Variants in BBS9 observed in about 807,000 individuals in gnomAD.
BBS9 encodes the protein Bardet-Biedl syndrome 9.
In BBS9, 89 loss-of-function variants were observed where a neutral mutation model predicts 117.7. The ratio of observed to expected loss-of-function variants is 0.76; its 90% CI spans 0.64 to 0.90. The LOEUF is 0.90. Among genes scored for constraint, BBS9 ranks in the 40% least tolerant of loss-of-function variants. The pLI, the probability that BBS9 is intolerant of heterozygous loss-of-function variation, is 0.00. For synonymous variants in BBS9, 379 were observed against 370.9 expected, an observed-to-expected ratio of 1.02 and a Z score of -0.25; for missense variants, 982 against 1,042.2, an observed-to-expected ratio of 0.94 and a Z score of 0.80.
intron 20 of BBS9, among the ~76,000 whole-genome samples, chr7:33,514,764 G>C (rs1256134787): frequency 1.3e-5 from 2 of 152,066 alleles, no homozygotes; most frequent in African/African-American, 4.8e-5. Context: ...GAGTTTCCCT[G>C]GGTTATCTTC....
At position 33,152,276 on chromosome 7, in the gene BBS9, C is replaced by T. The variant is rs551836967; in HGVS notation, c.113-425C>T. Among the ~76,000 whole-genome samples, 3 of 152,208 alleles carry T rather than the reference C, an allele frequency of 2.0e-5. No homozygotes were observed. In the East Asian group the frequency reaches 5.8e-4, roughly 29 times the overall value. On this transcript the variant is annotated intron_variant, in intron 2 of 22. Coordinates refer to ENST00000242067, the MANE Select transcript of BBS9 (RefSeq NM_198428.3). ...GTACTTAAGATGAAACATTGCTTATCAAGGCACTCTATCTAGTGACGACTC... is the reference window on the plus strand; with the variant it reads ...GTACTTAAGATGAAACATTGCTTATTAAGGCACTCTATCTAGTGACGACTC...
At chr7:33,248,513 A>C (rs1795723060) in intron 5 of BBS9, among the ~76,000 whole-genome samples, 3 of 152,144 alleles carry the variant, frequency 2.0e-5, no homozygotes, top group South Asian at 4.1e-4. Context: ...TATTTGCATG[A>C]TGATATGAGT....
chr7:33,612,860 C>T (rs1864947307), intron 21 of BBS9, among the ~76,000 whole-genome samples: 1 of 152,082 alleles, frequency 6.6e-6, no homozygotes, highest in Non-Finnish European at 1.5e-5. Context: ...GACTAGGAAT[C>T]AGATGGCCTC....
At chr7:33,498,614 G>T (rs763256390) in intron 19 of BBS9, among the ~76,000 whole-genome samples, 1 of 151,990 alleles carries the variant, frequency 6.6e-6, no homozygotes, top group Non-Finnish European at 1.5e-5. Flanking sequence ...CATACAATAT[G>T]TTTTCCTTTG....
chr7:33,171,408 A>C (rs1167227090), intron 4 of BBS9, among the ~76,000 whole-genome samples: 1 of 152,230 alleles, frequency 6.6e-6, no homozygotes, highest in African/African-American at 2.4e-5. Flanking sequence ...CATATGTAGA[A>C]AGCTGAAACA....
At chr7:33,360,524 C>CTTAAATACCT (rs1820424855) in intron 16 of BBS9, among the ~76,000 whole-genome samples, 1 of 142,006 alleles carries the variant, frequency 7.0e-6, no homozygotes, top group Non-Finnish European at 1.5e-5. Flanking sequence ...CAATAAATAC[C>CTTAAATACCT]TTTTTTTTTT....
intron 21 of BBS9, among the ~76,000 whole-genome samples, chr7:33,598,256 A>T (rs1206324453): frequency 6.6e-6 from 1 of 152,134 alleles, no homozygotes; most frequent in African/African-American, 2.4e-5. Flanking sequence ...CTTCTTTAAA[A>T]AAATTTCCCC....
intron 19 of BBS9, among the ~76,000 whole-genome samples, chr7:33,429,938 A>G (rs975307214): frequency 6.6e-6 from 1 of 152,126 alleles, no homozygotes; most frequent in Non-Finnish European, 1.5e-5. Flanking sequence ...AGTTGCCTTT[A>G]GGAAGTTCTA....
chr7:33,463,589 G>T (rs1263441596), intron 19 of BBS9, among the ~76,000 whole-genome samples: 2 of 151,882 alleles, frequency 1.3e-5, no homozygotes, highest in African/African-American at 4.8e-5. Context: ...TCTTATTTTT[G>T]TCTGAAATAA....
intron 19 of BBS9, among the ~76,000 whole-genome samples, chr7:33,466,916 C>G (rs1840248355): frequency 6.6e-6 from 1 of 152,012 alleles, no homozygotes; most frequent in Admixed American, 6.6e-5. Flanking sequence ...ACACAGAGGT[C>G]AAGGGTGAGC....
chr7:33,528,554 T>TA (rs757366409), intron 20 of BBS9, among the ~76,000 whole-genome samples: 22 of 152,248 alleles, frequency 1.4e-4, no homozygotes, highest in Non-Finnish European at 2.4e-4. Context: ...TTCAATTACA[T>TA]ACTTCTATTT....
chr7:33,371,681 T>A (rs774356146), intron 17 of BBS9, among the ~76,000 whole-genome samples: 10 of 152,056 alleles, frequency 6.6e-5, no homozygotes, highest in Non-Finnish European at 1.2e-4. Context: ...GGAGACTTTG[T>A]AGATTTGTTA....
chr7:33,524,327 C>A (rs1849126969), intron 20 of BBS9, among the ~76,000 whole-genome samples: 1 of 152,108 alleles, frequency 6.6e-6, no homozygotes, highest in African/African-American at 2.4e-5. Context: ...AGGAATGGTA[C>A]CAGTTCCTCC....
chr7:33,287,841 G>A (rs1479046579), intron 9 of BBS9, among the ~76,000 whole-genome samples: 1 of 152,144 alleles, frequency 6.6e-6, no homozygotes, highest in African/African-American at 2.4e-5. Context: ...TTTTGAGAGA[G>A]GAGAAAGGAA....
At chr7:33,518,538 C>A (rs554277506) in intron 20 of BBS9, among the ~76,000 whole-genome samples, 1 of 152,008 alleles carries the variant, frequency 6.6e-6, no homozygotes, top group African/African-American at 2.4e-5. Flanking sequence ...CGTGAGCCAC[C>A]GCGCCCGGCC....
intron 16 of BBS9, among the ~76,000 whole-genome samples, chr7:33,365,431 G>C (rs949378087): frequency 1.3e-5 from 2 of 152,180 alleles, no homozygotes; most frequent in African/African-American, 4.8e-5. Context: ...TCTTAGCTGT[G>C]GTTGGTGTTG....
At chr7:33,147,537 A>C (rs1004002633) in intron 2 of BBS9, among the ~76,000 whole-genome samples, 2 of 152,156 alleles carry the variant, frequency 1.3e-5, no homozygotes, top group Non-Finnish European at 2.9e-5. Context: ...AAGGCCTTCT[A>C]TTCAGAGGAT....
chr7:33,227,145 G>C (rs1193689673), intron 5 of BBS9, among the ~76,000 whole-genome samples: 1 of 151,494 alleles, frequency 6.6e-6, no homozygotes, highest in East Asian at 1.9e-4. Flanking sequence ...AATTTGTTTA[G>C]GGACCTTACA....
chr7:33,204,371 C>T lies in BBS9; in HGVS notation c.442+26780C>T, dbSNP rs1369080699. On this transcript the variant is annotated intron_variant, in intron 5 of 22. Coordinates refer to ENST00000242067, the MANE Select transcript of BBS9 (RefSeq NM_198428.3). ...GCAGTGAGTCGAGATAACACCACTG[C>T]ACTCCAGCCTGGGTGACGGAGCCAG... is the stretch of plus-strand genomic sequence containing the variant. 2.7e-5 allele frequency among the ~76,000 whole-genome samples: 4 copies of T among 149,024 alleles called. No homozygotes were observed. In the East Asian group the frequency reaches 8.1e-4, roughly 30 times the overall value.
Sources: allele counts gnomAD v4.1 joint callset (sites outside exome capture counted in the v4.1 genomes callset), GRCh38; gene constraint gnomAD v4.1.1; transcripts MANE v1.5; gene names NCBI Gene and HGNC (gene_info 2026-07-23, HGNC 2026-07-21).